RUNDC3B: variants seen among roughly 807,000 people sequenced by gnomAD.
The protein encoded by RUNDC3B is RUN domain containing 3B.
A neutral mutation model predicts 58.4 loss-of-function variants in RUNDC3B; 33 were observed. That is an observed-to-expected ratio of 0.56 (90% confidence interval 0.43 to 0.75). The LOEUF is 0.75. RUNDC3B is among the 30% of genes least tolerant of loss of function. The pLI is 0.00. For synonymous variants in RUNDC3B, 193 were observed against 195.2 expected (o/e 0.99, Z 0.10); for missense variants, 501 against 535.7 (o/e 0.94, Z 0.64).
At chr7:87,683,025 C>T (rs1028360154) in intron 2 of RUNDC3B, among the ~76,000 whole-genome samples, 14 of 152,208 alleles carry the variant, frequency 9.2e-5, no homozygotes, top group African/African-American at 3.4e-4. Flanking sequence ...ACTTCTCCAT[C>T]AGCACTTGCT....
At chr7:87,829,817 T>A in intron 10 of RUNDC3B, 68 bp from the exon 11 acceptor site, 1 of 1,176,574 alleles carries the variant, frequency 8.5e-7, no homozygotes, top group Non-Finnish European at 1.2e-6. Context: ...TTTCTAATGG[T>A]TTTAGGATCT....
intron 6 of RUNDC3B, among the ~76,000 whole-genome samples, chr7:87,767,230 A>G (rs1834021709): frequency 6.6e-6 from 1 of 152,130 alleles, no homozygotes; most frequent in Non-Finnish European, 1.5e-5. Flanking sequence ...TTTATTTGTC[A>G]TAACAGAATT....
intron 2 of RUNDC3B, among the ~76,000 whole-genome samples, chr7:87,697,400 C>T (rs1828585474): frequency 6.6e-6 from 1 of 152,152 alleles, no homozygotes. Flanking sequence ...GCAGCTGTAG[C>T]TCTCATTTTG....
chr7:87,665,809 G>T (rs1037521877), intron 2 of RUNDC3B, among the ~76,000 whole-genome samples: 1 of 151,950 alleles, frequency 6.6e-6, no homozygotes, highest in African/African-American at 2.4e-5. Flanking sequence ...TTCTGTTCCC[G>T]CATTATTTCA....
chr7:87,800,996 T>C (rs1200461830), intron 8 of RUNDC3B, among the ~76,000 whole-genome samples: 5 of 152,160 alleles, frequency 3.3e-5, no homozygotes, highest in Non-Finnish European at 7.4e-5. Flanking sequence ...ATTTATACAA[T>C]ATTTTTTATA....
intron 3 of RUNDC3B, chr7:87,709,358 A>G: frequency 1.0e-6 from 1 of 985,382 alleles, no homozygotes; most frequent in Non-Finnish European, 1.2e-6. Flanking sequence ...TGAAATTTCA[A>G]GAGAGAATTT....
At chr7:87,740,324 T>A (rs1832243388) in intron 5 of RUNDC3B, among the ~76,000 whole-genome samples, 1 of 151,938 alleles carries the variant, frequency 6.6e-6, no homozygotes, top group African/African-American at 2.4e-5. Flanking sequence ...TTATGTTATG[T>A]ATGGAGAATA....
intron 2 of RUNDC3B, among the ~76,000 whole-genome samples, chr7:87,692,329 C>T (rs148826652): frequency 2.0e-5 from 3 of 152,248 alleles, no homozygotes; most frequent in Non-Finnish European, 4.4e-5. Context: ...TGGTGGCACG[C>T]ACCTGTAGTC....
intron 6 of RUNDC3B, among the ~76,000 whole-genome samples, chr7:87,769,127 T>C (rs901172461): frequency 6.6e-6 from 1 of 151,806 alleles, no homozygotes; most frequent in Non-Finnish European, 1.5e-5. Flanking sequence ...CAGCCTCCCA[T>C]GTAGCTGGGA....
intron 6 of RUNDC3B, among the ~76,000 whole-genome samples, chr7:87,752,028 TATC>T (rs1307140947): frequency 6.6e-6 from 1 of 152,222 alleles, no homozygotes; most frequent in African/African-American, 2.4e-5. Context: ...AGATAGCTGT[TATC>T]ATTTTGAAAT....
intron 4 of RUNDC3B, among the ~76,000 whole-genome samples, chr7:87,715,331 A>ATAATTAATTTATAATAATTATATG (rs1830476628): frequency 8.2e-6 from 1 of 121,664 alleles, no homozygotes; most frequent in African/African-American, 3.4e-5. Flanking sequence ...ATAATTATAT[A>ATAATTAATTTATAATAATTATATG]TAATTAATTT....
intron 2 of RUNDC3B, among the ~76,000 whole-genome samples, chr7:87,657,083 A>C (rs1246400520): frequency 6.6e-6 from 1 of 152,190 alleles, no homozygotes; most frequent in African/African-American, 2.4e-5. Flanking sequence ...CACTAAGTAC[A>C]ATAATAAACC....
At chr7:87,809,168 A>G (rs1836581502) in intron 9 of RUNDC3B, among the ~76,000 whole-genome samples, 1 of 152,188 alleles carries the variant, frequency 6.6e-6, no homozygotes, top group African/African-American at 2.4e-5. Flanking sequence ...GGTCTCAGAA[A>G]AGAAGGCAAG....
intron 4 of RUNDC3B, among the ~76,000 whole-genome samples, chr7:87,720,003 A>AG (rs1830776352): frequency 8.0e-6 from 1 of 124,570 alleles, no homozygotes; most frequent in African/African-American, 3.4e-5. Flanking sequence ...AAAAAAAAAA[A>AG]AAAGAGAAAG....
At chr7:87,784,934 G>C (rs966170852) in intron 8 of RUNDC3B, among the ~76,000 whole-genome samples, 4 of 152,092 alleles carry the variant, frequency 2.6e-5, no homozygotes, top group Non-Finnish European at 5.9e-5. Flanking sequence ...TAGATCACCA[G>C]AGACTCACAA....
At chr7:87,710,896 C>T (rs1361009615) in intron 4 of RUNDC3B, among the ~76,000 whole-genome samples, 1 of 152,198 alleles carries the variant, frequency 6.6e-6, no homozygotes, top group African/African-American at 2.4e-5. Context: ...TAAATCATTT[C>T]TGATTCATAC....
rs575276858 is a variant in RUNDC3B at position 87,697,271 on chromosome 7, G to T, written c.239-3150G>T. Among the ~76,000 whole-genome samples the T allele has an allele frequency of 2.0e-5, 3 of 152,150 alleles. No homozygotes were observed. The East Asian group carries it at 5.8e-4, about 29-fold the overall frequency. On this transcript the variant is annotated intron_variant, in intron 2 of 10. Coordinates refer to ENST00000394654, the MANE Select transcript of RUNDC3B (RefSeq NM_001134405.2). ...TGTATTTTCCCTTGCCTATTTCTCT[G>T]ACTTCTGTTTCCCATATTGTCTTTT...
intron 2 of RUNDC3B, among the ~76,000 whole-genome samples, chr7:87,660,672 C>T (rs1218502127): frequency 6.6e-6 from 1 of 151,632 alleles, no homozygotes; most frequent in Non-Finnish European, 1.5e-5. Flanking sequence ...TTCTTTGGCT[C>T]TATTATGTTT....
In RUNDC3B at chr7:87,693,097, G is replaced by C. The variant is rs1265033920; in HGVS notation, c.239-7324G>C. Among the ~76,000 whole-genome samples the C allele has an allele frequency of 3.3e-5, 5 of 152,288 alleles. No individual in the cohort carries two copies. In the South Asian group the frequency reaches 8.3e-4, roughly 25 times the overall value. ...TGGAGATTTCAGTGTTTGACTATGA[G>C]AGAAGGAAATGTTATTTTTTGGGAA... On this transcript the variant is annotated intron_variant, in intron 2 of 10. Transcript: ENST00000394654.
Sources: gnomAD v4.1 joint callset for allele counts (sites outside exome capture counted in the v4.1 genomes callset) on GRCh38, gnomAD v4.1.1 for gene constraint, MANE v1.5 for transcripts, NCBI Gene and HGNC (gene_info 2026-07-23, HGNC 2026-07-21) for gene names.